Variants in KBTBD3 observed in about 807,000 individuals in gnomAD.
KBTBD3 encodes the protein kelch repeat and BTB domain-containing protein 3.
KBTBD3 carries 38 observed loss-of-function variants against 49.6 expected under a neutral mutation model. The observed-to-expected ratio is 0.77, with a 90% CI of 0.59 to 1.00. KBTBD3 has a LOEUF of 1.00. KBTBD3 is among the 50% of genes least tolerant of loss of function. KBTBD3 has a pLI of 0.00. For missense variants in KBTBD3, 661 were observed against 712.0 expected (o/e 0.93, Z 0.81); for synonymous variants, 214 against 250.4 (o/e 0.85, Z 1.37).
Position 106,053,575 on chromosome 11 carries a change from G to T in KBTBD3, c.1114C>A (p.Gln372Lys). The T allele has an allele frequency of 6.2e-7, 1 of 1,613,764 alleles. No individual in the cohort carries two copies. The highest frequency in any genetic ancestry group is 1.1e-5 in the South Asian group (1 of 91,058). Residue 372 changes from glutamine to lysine, a missense_variant, in exon 4 of 4, where the codon CAA becomes AAA. Transcript: ENST00000531837. ...TTCACTGGACAGTAGCACCAGGTTT[G>T]ATCAGTGGCATCATGATATGACTCG... ...IAESYHDATD[Q>K]TWCYCPVKND... is the part of the protein sequence containing the mutation.
rs116266638 is a variant in KBTBD3 at position 106,067,417 on chromosome 11, A to T, written c.-12-8308T>A. 8.3e-3 allele frequency among the ~76,000 whole-genome samples: 1,262 copies of T among 152,322 alleles called. 22 individuals carry two copies. The highest frequency in any genetic ancestry group is 0.029 in the African/African-American group (1,217 of 41,570). ...TCAGGAGTTCAAGACCATCTTGGCC[A>T]ACATGGTGAAACACCTCTCTACTAA... On this transcript the variant is annotated intron_variant, in intron 2 of 3. Coordinates refer to ENST00000531837, the MANE Select transcript of KBTBD3 (RefSeq NM_198439.3).
rs1860456358 is a variant in KBTBD3 at position 106,053,074 on chromosome 11, A to G, written c.1615T>C (p.Cys539Arg). Residue 539 changes from cysteine (C) to arginine (R), a missense_variant, in exon 4 of 4, where the codon TGT (cysteine) becomes CGT (arginine). Coordinates refer to ENST00000531837, the MANE Select transcript of KBTBD3 (RefSeq NM_198439.3). ...CVWKGEGSFECAGFNAGAIGI... is the reference protein window; with the variant it reads ...CVWKGEGSFERAGFNAGAIGI... ...ATTGCACCTGCATTAAAGCCTGCAC[A>G]CTCAAAAGATCCTTCGCCTTTCCAA... The G allele has an allele frequency of 6.2e-7, 1 of 1,613,740 alleles. No homozygotes were observed. Among genetic ancestry groups the G allele is most frequent in the Non-Finnish European group, 8.5e-7 (1 of 1,179,814 alleles).
At chr11:106,074,940 A>G (rs971365563) in intron 2 of KBTBD3, among the ~76,000 whole-genome samples, 1 of 152,208 alleles carries the variant, frequency 6.6e-6, no homozygotes, top group Non-Finnish European at 1.5e-5. Flanking sequence ...TTGAGGTAGA[A>G]TAAAGTTTGT....
At chr11:106,069,152 G>A (rs1860869347) in intron 2 of KBTBD3, among the ~76,000 whole-genome samples, 1 of 152,030 alleles carries the variant, frequency 6.6e-6, no homozygotes, top group Non-Finnish European at 1.5e-5. Flanking sequence ...AAACAGCAAG[G>A]ATGTCCACCC....
chr11:106,062,008 C>A (rs1860705403), intron 2 of KBTBD3, among the ~76,000 whole-genome samples: 3 of 151,566 alleles, frequency 2.0e-5, no homozygotes, highest in Admixed American at 6.6e-5. Flanking sequence ...ATAGCCATTA[C>A]ACTGTGTGGA....
chr11:106,062,796 A>G (rs1860728590), intron 2 of KBTBD3, among the ~76,000 whole-genome samples: 1 of 152,214 alleles, frequency 6.6e-6, no homozygotes, highest in South Asian at 2.1e-4. Flanking sequence ...TAACTGTCAC[A>G]ACAGTTCAAA....
chr11:106,075,527 C>G (rs994875630), intron 2 of KBTBD3: 1 of 152,156 alleles, frequency 6.6e-6, no homozygotes, highest in Non-Finnish European at 1.5e-5. Context: ...TAAGGCAATA[C>G]TAGAATAACT....
chr11:106,070,030 A>G (rs1242099384), intron 2 of KBTBD3, among the ~76,000 whole-genome samples: 1 of 152,080 alleles, frequency 6.6e-6, no homozygotes, highest in Admixed American at 6.6e-5. Context: ...TTTTAACAAA[A>G]AATGCTGAAG....
In KBTBD3 at chr11:106,053,721, A is replaced by G. The variant is rs1201914200; in HGVS notation, c.968T>C (p.Ile323Thr). 6.2e-7 allele frequency: 1 copy of G among 1,613,624 alleles called. No individual in the cohort carries two copies. Among genetic ancestry groups the G allele is most frequent in the Non-Finnish European group, 8.5e-7 (1 of 1,179,856 alleles). ...ATCAATCAGGTGTGATTGCGGCAGTATTTTCCATGAATCAGATTTAATGTT... is the reference window on the plus strand; with the variant it reads ...ATCAATCAGGTGTGATTGCGGCAGTGTTTTCCATGAATCAGATTTAATGTT... The part of the protein sequence containing the change: ...CYNIKSDSWK[I>T]LPQSHLIDLP... Residue 323 changes from isoleucine (I) to threonine (T), a missense_variant, in exon 4 of 4, where the codon ATA becomes ACA. Coordinates refer to ENST00000531837, the MANE Select transcript of KBTBD3 (RefSeq NM_198439.3).
chr11:106,055,873 G>A (rs111582569), intron 3 of KBTBD3, among the ~76,000 whole-genome samples: 22 of 151,962 alleles, frequency 1.4e-4, no homozygotes, highest in South Asian at 6.3e-4. Context: ...ATTTACTATC[G>A]GCTTCCACAT....
rs116658853 is a variant in KBTBD3 at position 106,072,020 on chromosome 11, C to T, written c.-13+4487G>A. ...TTATGCTATTTCATTGATTTTAAGA[C>T]ACAAATTTTTTCACACTTATCTGAA... On this transcript the variant is annotated intron_variant, in intron 2 of 3. Transcript: ENST00000531837. Among the ~76,000 whole-genome samples the T allele has an allele frequency of 7.4e-3, 1,121 of 152,180 alleles. 9 individuals are homozygous for T. The highest frequency in any genetic ancestry group is 0.02 in the African/African-American group (812 of 41,514).
chr11:106,065,321 C>A (rs1257224362), intron 2 of KBTBD3, among the ~76,000 whole-genome samples: 1 of 152,124 alleles, frequency 6.6e-6, no homozygotes, highest in African/African-American at 2.4e-5. Flanking sequence ...TTGTTCTATA[C>A]ATGATCGATA....
chr11:106,052,644 A>G lies in KBTBD3; in HGVS notation c.*206T>C, dbSNP rs904957696. 2.1e-5 allele frequency: 10 copies of G among 479,338 alleles called. No homozygotes were observed. The highest frequency in any genetic ancestry group is 3.3e-5 in the Non-Finnish European group (9 of 273,418). 29.7% of individuals were successfully genotyped at this position (479,338 alleles called of 1,614,324 possible). On this transcript the variant is annotated 3_prime_UTR_variant, in exon 4 of 4. Coordinates refer to ENST00000531837, the MANE Select transcript of KBTBD3 (RefSeq NM_198439.3). ...AAATACTAAGTATTCTGGATTCCCC[A>G]AGGTTAAATTATATTCAGTATAATT... is the stretch of plus-strand genomic sequence containing the variant.
intron 2 of KBTBD3, among the ~76,000 whole-genome samples, chr11:106,072,268 GAA>G (rs139012076): frequency 1.1e-3 from 161 of 152,268 alleles, no homozygotes; most frequent in African/African-American, 3.5e-3. Flanking sequence ...GAAAATCAAT[GAA>G]AAGACACTTT....
At chr11:106,073,450 C>A (rs1860964134) in intron 2 of KBTBD3, among the ~76,000 whole-genome samples, 1 of 151,534 alleles carries the variant, frequency 6.6e-6, no homozygotes, top group African/African-American at 2.4e-5. Flanking sequence ...AAAAAAAAAA[C>A]TGGATAAAGG....
intron 2 of KBTBD3, among the ~76,000 whole-genome samples, chr11:106,072,420 G>A (rs1305276460): frequency 2.6e-5 from 4 of 152,122 alleles, no homozygotes; most frequent in Non-Finnish European, 5.9e-5. Context: ...GTGATAAAGA[G>A]TTGTGCCATA....
At chr11:106,077,135 CAA>C (rs1489443655) in intron 1 of KBTBD3, among the ~76,000 whole-genome samples, 175 bp downstream of exon 1, 1 of 152,132 alleles carries the variant, frequency 6.6e-6, no homozygotes, top group Non-Finnish European at 1.5e-5. Flanking sequence ...ATGCGTTGCA[CAA>C]CTGCAGGGGG....
In KBTBD3 at chr11:106,053,443, G is replaced by C; in HGVS notation, c.1246C>G (p.Arg416Gly). ...FVIGGKTRGSRDIKSLLDVES... is the reference protein window; with the variant it reads ...FVIGGKTRGSGDIKSLLDVES... Reference sequence around the variant, plus strand: ...ACATCTAAGAGACTTTTAATGTCCCGGGATCCTCTAGTTTTTCCACCTATG... The same window carrying C: ...ACATCTAAGAGACTTTTAATGTCCCCGGATCCTCTAGTTTTTCCACCTATG... Residue 416 changes from arginine to glycine, a missense_variant, in exon 4 of 4, where the codon CGG (arginine) becomes GGG (glycine). Coordinates refer to ENST00000531837, the MANE Select transcript of KBTBD3 (RefSeq NM_198439.3). The C allele has an allele frequency of 6.2e-7, 1 of 1,613,444 alleles. No homozygotes were observed. Among genetic ancestry groups the C allele is most frequent in the Non-Finnish European group, 8.5e-7 (1 of 1,179,778 alleles).
intron 2 of KBTBD3, among the ~76,000 whole-genome samples, chr11:106,066,034 T>C (rs1345044065): frequency 6.6e-6 from 1 of 151,792 alleles, no homozygotes. Context: ...TTGTTTTGCT[T>C]TGGTATAGAT....
Sources: gnomAD v4.1 joint callset for allele counts (sites outside exome capture counted in the v4.1 genomes callset) on GRCh38, gnomAD v4.1.1 for gene constraint, MANE v1.5 for transcripts, NCBI Gene and HGNC (gene_info 2026-07-23, HGNC 2026-07-21) for gene names.